The following NKD2 variants were observed in gnomAD, a reference collection of about 807,000 sequenced individuals.
The protein encoded by NKD2 is protein naked cuticle homolog 2.
In NKD2, 43 loss-of-function variants were observed where a neutral mutation model predicts 34.8. That is an observed-to-expected ratio of 1.24 (90% CI 0.97 to 1.60). The LOEUF is 1.60. Ranked by LOEUF, NKD2 falls within the 40% of genes most tolerant of loss-of-function variation. The pLI is 0.00. For synonymous variants in NKD2, 278 were observed against 265.1 expected, an observed-to-expected ratio of 1.05 and a Z score of -0.47; for missense variants, 675 against 627.1, an observed-to-expected ratio of 1.08 and a Z score of -0.82.
At chr5:1,034,670 C>G (rs757886802) in intron 6 of NKD2, 86 bp from the exon 7 acceptor site, 1 of 1,341,180 alleles carries the variant, frequency 7.5e-7, no homozygotes, top group East Asian at 2.4e-5. Context: ...TAGGAAGGGG[C>G]GGGGGCTGGA....
chr5:1,018,145 C>T (rs1378435501), intron 3 of NKD2, among the ~76,000 whole-genome samples: 2 of 152,140 alleles, frequency 1.3e-5, no homozygotes, highest in Admixed American at 1.3e-4. Context: ...ATGGCGGCCC[C>T]CACCCATCTC....
chr5:1,038,384 AAGCACACCTCGCTCCC>A lies in NKD2; in HGVS notation c.*20_*35del. ...TTCCACCCGTCCTAGCGCCACTGCCAAGCACACCTCGCTCCCAGCACACCACAGCCCGCGACCTCAG... is the reference window on the plus strand; with the variant it reads ...TTCCACCCGTCCTAGCGCCACTGCCAAGCACACCACAGCCCGCGACCTCAG... On this transcript the variant is annotated 3_prime_UTR_variant, in exon 10 of 10. Transcript: ENST00000296849. This position sits in a 1 kb window ranked among gnomAD's most constrained non-coding sequence, Gnocchi z 4.5. 1 of 1,535,658 alleles carries A rather than the reference AAGCACACCTCGCTCCC, an allele frequency of 6.5e-7. No homozygotes were observed. Among genetic ancestry groups the A allele is most frequent in the African/African-American group, 1.4e-5 (1 of 73,034 alleles).
At chr5:1,021,367 T>TCCAA (rs1756172878) in intron 3 of NKD2, among the ~76,000 whole-genome samples, 1 of 28,322 alleles carries the variant, frequency 3.5e-5, no homozygotes, top group Non-Finnish European at 6.4e-5. Context: ...CCCCCGCCCC[T>TCCAA]CCACCCACCC....
chr5:1,026,868 GC>G (rs1485389722), intron 3 of NKD2, among the ~76,000 whole-genome samples: 25 of 152,230 alleles, frequency 1.6e-4, no homozygotes, highest in African/African-American at 5.5e-4. Flanking sequence ...GGTGGCTGCA[GC>G]CTAAGCTTGG....
rs139328533 is a variant in NKD2, at chr5:1,030,414, G to A, written c.142-1738G>A. Among the ~76,000 whole-genome samples the A allele has an allele frequency of 7.9e-4, 120 of 152,336 alleles. 1 individual carries two copies. Among genetic ancestry groups the A allele is most frequent in the African/African-American group, 2.7e-3 (113 of 41,576 alleles). ...CCTGCACGAGTCCACCTGAGGGGCTGTAGAGCTCCTAGTATCTGGTCCATC... is the reference window on the plus strand; with the variant it reads ...CCTGCACGAGTCCACCTGAGGGGCTATAGAGCTCCTAGTATCTGGTCCATC... On this transcript the variant is annotated intron_variant, in intron 3 of 9. Coordinates refer to ENST00000296849, the MANE Select transcript of NKD2 (RefSeq NM_033120.4).
intron 6 of NKD2, 32 bp from the exon 7 acceptor site, chr5:1,034,724 G>C: frequency 6.2e-7 from 1 of 1,600,046 alleles, no homozygotes; most frequent in Non-Finnish European, 8.5e-7. Context: ...CCTGGGGTCT[G>C]CTCTGTCAGT....
At chr5:1,028,377 C>T (rs150119274) in intron 3 of NKD2, among the ~76,000 whole-genome samples, 436 of 152,298 alleles carry the variant, frequency 2.9e-3, no homozygotes, top group African/African-American at 0.01. Flanking sequence ...GTTCTGGTCC[C>T]GGAGGCCTCC....
intron 9 of NKD2, 110 bp downstream of exon 9, chr5:1,036,494 C>CCCG: frequency 1.8e-6 from 1 of 555,162 alleles, no homozygotes; most frequent in South Asian, 2.1e-5. Context: ...CCTGCCCCGC[C>CCCG]CCCCCCCAAC....
At chr5:1,018,089 G>C (rs1187253345) in intron 3 of NKD2, among the ~76,000 whole-genome samples, 1 of 152,164 alleles carries the variant, frequency 6.6e-6, no homozygotes, top group Non-Finnish European at 1.5e-5. Flanking sequence ...TGGAGGACGG[G>C]ACGGTAGCAG....
rs192264114 is a variant in NKD2 at position 1,020,750 on chromosome 5, G to A, written c.141+11190G>A. Among the ~76,000 whole-genome samples, 299 of 144,426 alleles carry A rather than the reference G, an allele frequency of 2.1e-3. 2 individuals carry two copies. Among genetic ancestry groups the A allele is most frequent in the Non-Finnish European group, 3.4e-3 (228 of 67,408 alleles). 94.7% of individuals were successfully genotyped at this position (144,426 alleles called of 152,430 possible). A position where few individuals can be genotyped will look rare whatever the true frequency, so the allele number is the denominator to read the frequency against. ...GCAGGGCAGCCCTGGGCCTGTCCCTGTAACTCATCTCTTCACTTCCACTTG... is the reference window on the plus strand; with the variant it reads ...GCAGGGCAGCCCTGGGCCTGTCCCTATAACTCATCTCTTCACTTCCACTTG... On this transcript the variant is annotated intron_variant, in intron 3 of 9. Coordinates refer to ENST00000296849, the MANE Select transcript of NKD2 (RefSeq NM_033120.4).
intron 3 of NKD2, among the ~76,000 whole-genome samples, chr5:1,026,910 C>T (rs1331685952): frequency 1.3e-5 from 2 of 152,254 alleles, no homozygotes; most frequent in African/African-American, 2.4e-5. Context: ...CACCACTTGG[C>T]ATCCTGCCTG....
chr5:1,036,507 C>CCCCCCA lies in NKD2; in HGVS notation c.787+127_787+128insCACCCC, dbSNP rs1554005239. The CCCCCCA allele has an allele frequency of 1.6e-4, 96 of 607,806 alleles. No individual in the cohort carries two copies. In the East Asian group the frequency reaches 2.1e-3, roughly 13 times the overall value. 37.7% of individuals were successfully genotyped at this position (607,806 alleles called of 1,614,324 possible). A position where few individuals can be genotyped will look rare whatever the true frequency, so the allele number is the denominator to read the frequency against. The stretch of plus-strand genomic sequence containing the variant: ...GCCCTGCCCCGCCCCCCCCCAACCC[C>CCCCCCA]CCCCACCCCACCCCACCCAGGACGG... On this transcript the variant is annotated intron_variant, in intron 9 of 9. Coordinates refer to ENST00000296849, the MANE Select transcript of NKD2 (RefSeq NM_033120.4).
chr5:1,011,229 A>G (rs1755738651), intron 3 of NKD2, among the ~76,000 whole-genome samples: 1 of 152,168 alleles, frequency 6.6e-6, no homozygotes, highest in Non-Finnish European at 1.5e-5. Flanking sequence ...TTCAGACAAA[A>G]GTGCTGCCTT....
At chr5:1,037,615 G>A in intron 9 of NKD2, 190 bp from the exon 10 acceptor site, 1 of 1,535,922 alleles carries the variant, frequency 6.5e-7, no homozygotes, top group Non-Finnish European at 8.7e-7. Flanking sequence ...GTGGAGCCAG[G>A]CAGGTCACCC....
chr5:1,038,196 C>T lies in NKD2; in HGVS notation c.1179C>T (p.His393=). 2 of 1,590,106 alleles carry T rather than the reference C, an allele frequency of 1.3e-6. No individual in the cohort carries two copies. Among genetic ancestry groups the T allele is most frequent in the Non-Finnish European group, 1.7e-6 (2 of 1,170,280 alleles). ...ACCGCCAAAAGGGCAGGGAGGGCCA[C>T]TCGCCACTCAAGGCCCCACACGCTC... ...KRYRQKGREG[H]SPLKAPHAQP... The change falls in exon 10 of 10, where the codon CAC becomes CAT. Residue 393 remains histidine, a synonymous_variant. Coordinates refer to ENST00000296849, the MANE Select transcript of NKD2 (RefSeq NM_033120.4). This position sits in a 1 kb window ranked among gnomAD's most constrained non-coding sequence, Gnocchi z 4.5.
rs1484049305 is a variant in NKD2 at position 1,012,074 on chromosome 5, AG to A, written c.141+2517del. Among the ~76,000 whole-genome samples the A allele has an allele frequency of 2.6e-5, 4 of 152,214 alleles. No homozygotes were observed. The East Asian group carries it at 7.7e-4, about 29-fold the overall frequency. ...TGTTTTTCCAAGTGGTAGTGACTGC[AG>A]GGAGGATGGCTTCAGGCCTGGGAAC... On this transcript the variant is annotated intron_variant, in intron 3 of 9. Coordinates refer to ENST00000296849, the MANE Select transcript of NKD2 (RefSeq NM_033120.4).
chr5:1,032,679 T>C (rs950177029), intron 4 of NKD2, among the ~76,000 whole-genome samples: 8 of 152,168 alleles, frequency 5.3e-5, no homozygotes, highest in Admixed American at 5.2e-4. Context: ...GGGAGGGTGC[T>C]GGGAGGCCAG....
chr5:1,026,234 T>A (rs75441328), intron 3 of NKD2, among the ~76,000 whole-genome samples: 1 of 11,688 alleles, frequency 8.6e-5, no homozygotes, highest in Non-Finnish European at 2.0e-4. Context: ...TCTTCCCACC[T>A]GCTAGTGGGC....
intron 3 of NKD2, among the ~76,000 whole-genome samples, chr5:1,017,876 C>T (rs1264846892): frequency 2.0e-5 from 3 of 150,496 alleles, no homozygotes; most frequent in Non-Finnish European, 3.0e-5. Flanking sequence ...GTACAGGGCC[C>T]GTGGTGCTGG....
Sources: gnomAD v4.1 joint callset for allele counts (sites outside exome capture counted in the v4.1 genomes callset) on GRCh38, gnomAD v4.1.1 for gene constraint, Gnocchi (gnomAD v3.1) non-coding constraint, MANE v1.5 for transcripts, NCBI Gene and HGNC (gene_info 2026-07-23, HGNC 2026-07-21) for gene names.